Variants in PRDM4 observed in about 807,000 individuals in gnomAD.
PRDM4 encodes the protein PR/SET domain 4.
PRDM4 carries 38 observed loss-of-function variants against 62.3 expected under a neutral mutation model. The ratio of observed to expected loss-of-function variants is 0.61; its 90% CI spans 0.47 to 0.80. The LOEUF (loss-of-function observed/expected upper bound fraction) is 0.80. PRDM4 is among the 30% of genes least tolerant of loss of function. PRDM4 has a pLI of 0.00. For missense variants in PRDM4, 858 were observed against 997.1 expected (o/e 0.86, Z 1.88); for synonymous variants, 339 against 348.2 (o/e 0.97, Z 0.30).
rs761286616 is a variant in PRDM4, at chr12:107,734,286, T to A, written c.2330A>T (p.Asp777Val). 23 of 1,614,158 alleles carry A rather than the reference T, an allele frequency of 1.4e-5. No individual in the cohort carries two copies. The highest frequency in any genetic ancestry group is 1.5e-5 in the Non-Finnish European group (18 of 1,180,032). Residue 777 changes from aspartate to valine, a missense_variant, in exon 12 of 12, where the codon GAC becomes GTC. Coordinates refer to ENST00000228437, the MANE Select transcript of PRDM4 (RefSeq NM_012406.4). ...CCTACAGTCTTCTGTCCCCACAGAG[T>A]CTGCTAGATCTTCCTCTTCTGAGTC... ...EDDSEEEDLA[D>V]SVGTEDCRIN...
rs570984045 is a variant in PRDM4 at position 107,733,416 on chromosome 12, C to G, written c.*794G>C. The G allele has an allele frequency of 1.3e-5, 2 of 152,148 alleles. No individual in the cohort carries two copies. Among genetic ancestry groups the G allele is most frequent in the African/African-American group, 2.4e-5 (1 of 41,414 alleles). The allele number at this position is 152,148 out of a possible 1,614,324, so 9.4% of individuals were successfully genotyped here. A position where few individuals can be genotyped will look rare whatever the true frequency, so the allele number is the denominator to read the frequency against. The stretch of plus-strand genomic sequence containing the variant: ...ATTTGGGCTCTCTGTATCTCCAGGC[C>G]CCCTTTGTCTGAATGGCTGGATGTT... On this transcript the variant is annotated 3_prime_UTR_variant, in exon 12 of 12. Transcript: ENST00000228437.
intron 6 of PRDM4, among the ~76,000 whole-genome samples, chr12:107,745,353 G>C (rs992071884): frequency 3.3e-5 from 5 of 152,176 alleles, no homozygotes; most frequent in African/African-American, 1.2e-4. Context: ...CTTGAGGCCA[G>C]GAGTTCGAAA....
intron 3 of PRDM4, among the ~76,000 whole-genome samples, chr12:107,754,343 T>C (rs992704881): frequency 6.6e-6 from 1 of 152,202 alleles, no homozygotes. Context: ...GATACTCCAA[T>C]TGTCTGTATT....
intron 8 of PRDM4, among the ~76,000 whole-genome samples, 176 bp downstream of exon 8, chr12:107,743,021 C>T (rs1305880279): frequency 6.6e-6 from 1 of 152,184 alleles, no homozygotes; most frequent in Non-Finnish European, 1.5e-5. Flanking sequence ...CCCACCTCAG[C>T]CACCCCAAGT....
intron 5 of PRDM4, among the ~76,000 whole-genome samples, chr12:107,750,013 CATGT>C (rs1890839090): frequency 6.6e-6 from 1 of 152,206 alleles, no homozygotes; most frequent in South Asian, 2.1e-4. Flanking sequence ...TCTGTGCTAA[CATGT>C]ATGTTACTTC....
chr12:107,749,396 C>CTTTTT (rs56295338), intron 5 of PRDM4, among the ~76,000 whole-genome samples: 1 of 130,136 alleles, frequency 7.7e-6, no homozygotes, highest in Non-Finnish European at 1.6e-5. Context: ...TTTCTGTTTG[C>CTTTTT]TTTTTTTTTT....
At chr12:107,741,404 G>C in intron 9 of PRDM4, 144 bp from the exon 10 acceptor site, 1 of 785,050 alleles carries the variant, frequency 1.3e-6, no homozygotes, top group Admixed American at 2.9e-5. Context: ...AATGTACTAA[G>C]GGCATCTAAA....
At chr12:107,757,905 A>G (rs924854471) in intron 2 of PRDM4, among the ~76,000 whole-genome samples, 1 of 152,182 alleles carries the variant, frequency 6.6e-6, no homozygotes, top group Non-Finnish European at 1.5e-5. Flanking sequence ...ATTAGTTCTT[A>G]TATCATAATT....
intron 9 of PRDM4, 97 bp from the exon 10 acceptor site, chr12:107,741,357 A>G (rs1020087261): frequency 2.0e-5 from 24 of 1,178,096 alleles, no homozygotes; most frequent in African/African-American, 1.9e-4. Context: ...CTTTCTCTCC[A>G]TATTTCCAAT....
chr12:107,733,067 T>C lies in PRDM4; in HGVS notation c.*1143A>G, dbSNP rs1354959844. The C allele has an allele frequency of 1.3e-5, 2 of 152,622 alleles. No individual in the cohort carries two copies. Among genetic ancestry groups the C allele is most frequent in the Non-Finnish European group, 2.9e-5 (2 of 68,068 alleles). 9.5% of individuals were successfully genotyped at this position (152,622 alleles called of 1,614,324 possible). ...GGGTGGGTCTGCTTCTGAGAAACGC[T>C]GGATGTGCATGGGAGACACAATGAC... On this transcript the variant is annotated 3_prime_UTR_variant, in exon 12 of 12. Coordinates refer to ENST00000228437, the MANE Select transcript of PRDM4 (RefSeq NM_012406.4).
At position 107,744,568 on chromosome 12, in the gene PRDM4, T is replaced by C; in HGVS notation, c.1370A>G (p.Asp457Gly). 1 of 1,613,756 alleles carries C rather than the reference T, an allele frequency of 6.2e-7. No homozygotes were observed. The highest frequency in any genetic ancestry group is 8.5e-7 in the Non-Finnish European group (1 of 1,179,716). Reference protein sequence around the residue: ...SHSMEVAEWTDKAVNHIWKIY... With the variant: ...SHSMEVAEWTGKAVNHIWKIY... ...CTTCCAGATATGGTTAACTGCCTTG[T>C]CTGTCCATTCTGCTACTTCCATGGA... is the stretch of plus-strand genomic sequence containing the variant. Residue 457 changes from aspartate to glycine, a missense_variant, in exon 7 of 12, where the codon GAC becomes GGC. By Grantham distance (94) the Asp-to-Gly change is moderately conservative. Transcript: ENST00000228437.
rs1038498830 is a variant in PRDM4 at position 107,743,074 on chromosome 12, G to C, written c.1481+123C>G. On this transcript the variant is annotated intron_variant, in intron 8 of 11. Coordinates refer to ENST00000228437, the MANE Select transcript of PRDM4 (RefSeq NM_012406.4). The stretch of plus-strand genomic sequence containing the variant: ...GAGCCACCATGCCTGGCTGCCTTGG[G>C]CTTTAAGTATGTCCAGGTGTTGGTG... 5 of 783,300 alleles carry C rather than the reference G, an allele frequency of 6.4e-6. No homozygotes were observed. The African/African-American group carries it at 8.7e-5, about 14-fold the overall frequency. The allele number at this position is 783,300 out of a possible 1,614,324, so 48.5% of individuals were successfully genotyped here. A position where few individuals can be genotyped will look rare whatever the true frequency, so the allele number is the denominator to read the frequency against.
intron 2 of PRDM4, among the ~76,000 whole-genome samples, chr12:107,757,455 C>T (rs1313541925): frequency 6.6e-6 from 1 of 152,098 alleles, no homozygotes; most frequent in Non-Finnish European, 1.5e-5. Flanking sequence ...TGAAAAGCAT[C>T]GTATTTTCCC....
At chr12:107,746,489 GTT>G (rs373095125) in intron 5 of PRDM4, 65 bp from the exon 6 acceptor site, 2,461 of 1,107,644 alleles carry the variant, frequency 2.2e-3, no homozygotes, top group South Asian at 3.1e-3. Flanking sequence ...TACCACCACG[GTT>G]TTTTTTTTTT....
At chr12:107,735,959 A>C (rs529337850) in intron 11 of PRDM4, among the ~76,000 whole-genome samples, 169 of 152,244 alleles carry the variant, frequency 1.1e-3, no homozygotes, top group Middle Eastern at 3.4e-3. Flanking sequence ...TCCCTGGAGC[A>C]GTTTTAAAAC....
At chr12:107,739,631 T>TGCAGCAGAGGCAGGAATGAAACAGA in intron 10 of PRDM4, 80 bp from the exon 11 acceptor site, 1 of 1,412,266 alleles carries the variant, frequency 7.1e-7, no homozygotes, top group Non-Finnish European at 9.7e-7. Context: ...CATATGTGCA[T>TGCAGCAGAGGCAGGAATGAAACAGA]GCAGCAGAGG....
At chr12:107,744,184 A>T (rs1890614460) in intron 7 of PRDM4, among the ~76,000 whole-genome samples, 1 of 152,230 alleles carries the variant, frequency 6.6e-6, no homozygotes, top group Non-Finnish European at 1.5e-5. Context: ...CCTAAGATAA[A>T]CATTTGAGGA....
At chr12:107,753,814 A>C (rs150473621) in intron 4 of PRDM4, 110 bp downstream of exon 4, 1 of 1,032,418 alleles carries the variant, frequency 9.7e-7, no homozygotes, top group African/African-American at 1.6e-5. Context: ...CTAGAGATTA[A>C]TATCTAATAG....
intron 3 of PRDM4, among the ~76,000 whole-genome samples, chr12:107,756,510 AACGGGT>A (rs1219664978): frequency 6.6e-6 from 1 of 152,202 alleles, no homozygotes; most frequent in Non-Finnish European, 1.5e-5. Flanking sequence ...TAACCCAGGG[AACGGGT>A]ACTGAAGTGT....
Sources: allele counts gnomAD v4.1 joint callset (sites outside exome capture counted in the v4.1 genomes callset), GRCh38; gene constraint gnomAD v4.1.1; transcripts MANE v1.5; gene names NCBI Gene and HGNC (gene_info 2026-07-23, HGNC 2026-07-21).